BLK: variants seen among roughly 807,000 people sequenced by gnomAD.
The protein encoded by BLK is tyrosine-protein kinase Blk.
A neutral mutation model predicts 61.8 loss-of-function variants in BLK; 64 were observed. The observed-to-expected ratio is 1.03, with a 90% CI of 0.85 to 1.27. The LOEUF (loss-of-function observed/expected upper bound fraction) is 1.27, where lower values mean the gene tolerates loss of function less well. Ranked by LOEUF, BLK falls within the 50% of genes most tolerant of loss-of-function variation. BLK has a pLI of 0.00. For missense variants in BLK, 853 were observed against 660.5 expected, an observed-to-expected ratio of 1.29 and a Z score of -3.19; for synonymous variants, 351 against 272.0, an observed-to-expected ratio of 1.29 and a Z score of -2.86.
intron 10 of BLK, chr8:11,558,940 C>G: frequency 2.2e-6 from 1 of 456,208 alleles, no homozygotes. Flanking sequence ...GAACTGATGC[C>G]ACAACGCCTT....
At chr8:11,559,433 TCA>T (rs973028909) in intron 10 of BLK, among the ~76,000 whole-genome samples, 3 of 145,906 alleles carry the variant, frequency 2.1e-5, no homozygotes, top group East Asian at 2.0e-4. Context: ...ACACACAAAC[TCA>T]CACAGACACA....
In BLK at chr8:11,563,935, G is replaced by C; in HGVS notation, c.1345G>C (p.Glu449Gln). 6.2e-7 allele frequency: 1 copy of C among 1,608,360 alleles called. No homozygotes were observed. Among genetic ancestry groups the C allele is most frequent in the South Asian group, 1.1e-5 (1 of 91,030 alleles). The change falls in exon 13 of 13, where the codon GAG (glutamate) becomes CAG (glutamine). Residue 449 changes from glutamate (E) to glutamine (Q), a missense_variant. Coordinates refer to ENST00000259089, the MANE Select transcript of BLK (RefSeq NM_001715.3). Reference sequence around the variant, plus strand: ...CAACCCCGAGGTCATCCGCAACCTGGAGCGCGGCTACCGCATGCCGCGCCC... The same window carrying C: ...CAACCCCGAGGTCATCCGCAACCTGCAGCGCGGCTACCGCATGCCGCGCCC... ...MSNPEVIRNLERGYRMPRPDT... is the reference protein window; with the variant it reads ...MSNPEVIRNLQRGYRMPRPDT...
chr8:11,555,816 A>G, intron 8 of BLK: 1 of 394,334 alleles, frequency 2.5e-6, no homozygotes, highest in Non-Finnish European at 4.9e-6. Flanking sequence ...TTCATCACCC[A>G]GATGGAAACA....
At chr8:11,522,198 A>C (rs557790814) in intron 1 of BLK, among the ~76,000 whole-genome samples, 3 of 152,324 alleles carry the variant, frequency 2.0e-5, no homozygotes, top group Non-Finnish European at 4.4e-5. Context: ...ATAAAAAAAA[A>C]CTACATTTTT....
intron 2 of BLK, among the ~76,000 whole-genome samples, chr8:11,544,805 T>C (rs1256920938): frequency 6.6e-6 from 1 of 152,192 alleles, no homozygotes; most frequent in Non-Finnish European, 1.5e-5. Context: ...CAAAATTGTG[T>C]TCAATAAATA....
At chr8:11,545,626 T>A (rs1800598567) in intron 2 of BLK, 1 of 256,762 alleles carries the variant, frequency 3.9e-6, no homozygotes, top group Admixed American at 4.6e-5. Flanking sequence ...CTTGTACACA[T>A]ACACAGAAGT....
intron 1 of BLK, among the ~76,000 whole-genome samples, chr8:11,500,329 G>A (rs962466004): frequency 3.9e-5 from 6 of 151,926 alleles, no homozygotes; most frequent in Non-Finnish European, 7.4e-5. Flanking sequence ...GAGTAGCTAG[G>A]ACTACAGGTG....
At chr8:11,544,319 C>A (rs1800521054) in intron 2 of BLK, among the ~76,000 whole-genome samples, 1 of 152,110 alleles carries the variant, frequency 6.6e-6, no homozygotes, top group South Asian at 2.1e-4. Flanking sequence ...TGACCAGTGA[C>A]CCCCTTTTGG....
intron 10 of BLK, among the ~76,000 whole-genome samples, chr8:11,559,360 C>T (rs1427836428): frequency 6.6e-6 from 1 of 151,168 alleles, no homozygotes; most frequent in Non-Finnish European, 1.5e-5. Context: ...AACACATACA[C>T]AGACTCACAC....
intron 1 of BLK, among the ~76,000 whole-genome samples, chr8:11,499,992 A>G (rs1332291170): frequency 6.6e-6 from 1 of 152,150 alleles, no homozygotes; most frequent in Non-Finnish European, 1.5e-5. Flanking sequence ...ATAAACAAAT[A>G]CAAGCAGGAC....
chr8:11,502,448 C>T (rs533588712), intron 1 of BLK, among the ~76,000 whole-genome samples: 1 of 152,186 alleles, frequency 6.6e-6, no homozygotes, highest in South Asian at 2.1e-4. Flanking sequence ...GGATTACAGG[C>T]ACCCGCCACC....
Position 11,548,124 on chromosome 8 carries a change from G to A in BLK, c.268G>A (p.Gly90Arg). The change falls in exon 4 of 13, where the codon GGA becomes AGA. Residue 90 changes from glycine to arginine, a missense_variant and splice_region_variant. Transcript: ENST00000259089. Reference protein sequence around the residue: ...LKGEKLQVLKGTGDWWLARSL... With the variant: ...LKGEKLQVLKRTGDWWLARSL... The stretch of plus-strand genomic sequence containing the variant: ...GGGGGAGAAGCTACAGGTCCTGAAG[G>A]GGTGAGGTTCCAGGACACCATCCCC... 6.2e-7 allele frequency: 1 copy of A among 1,612,406 alleles called. No homozygotes were observed. The highest frequency in any genetic ancestry group is 8.5e-7 in the Non-Finnish European group (1 of 1,179,432).
intron 1 of BLK, 77 bp downstream of exon 1, chr8:11,494,668 G>C (rs577568159): frequency 1.6e-4 from 25 of 152,382 alleles, no homozygotes; most frequent in African/African-American, 6.0e-4. Flanking sequence ...CCTGTAGTGG[G>C]GCAAGCAAGC....
rs757922021 is a variant in BLK at position 11,499,242 on chromosome 8, G to T, written c.-2+4651G>T. Among the ~76,000 whole-genome samples, 23 of 152,232 alleles carry T rather than the reference G, an allele frequency of 1.5e-4. 1 individual carries two copies. The highest frequency in any genetic ancestry group is 2.8e-4 in the Non-Finnish European group (19 of 68,042). ...TTTAGTACAGTCGCAGGCTGTGTAG[G>T]TGTGTAGCCTAGAAGCAACCGGCTA... is the stretch of plus-strand genomic sequence containing the variant. On this transcript the variant is annotated intron_variant, in intron 1 of 12. Transcript: ENST00000259089.
At chr8:11,495,098 C>T (rs1798316128) in intron 1 of BLK, among the ~76,000 whole-genome samples, 1 of 152,294 alleles carries the variant, frequency 6.6e-6, no homozygotes, top group Non-Finnish European at 1.5e-5. Context: ...AATGGGGTAA[C>T]TGAATAGATG....
chr8:11,531,775 A>T (rs1799895428), intron 1 of BLK, among the ~76,000 whole-genome samples: 1 of 152,130 alleles, frequency 6.6e-6, no homozygotes, highest in Non-Finnish European at 1.5e-5. Flanking sequence ...CACTGTGGGT[A>T]CTTTCAATTG....
At chr8:11,563,663 C>G (rs765471774) in intron 12 of BLK, among the ~76,000 whole-genome samples, 4 of 152,202 alleles carry the variant, frequency 2.6e-5, no homozygotes, top group Admixed American at 2.6e-4. Flanking sequence ...GAGGACCTGC[C>G]CCGTACTCAG....
In BLK at chr8:11,545,687, T is replaced by A. The variant is rs139469717; in HGVS notation, c.124-365T>A. The A allele has an allele frequency of 1.2e-5, 4 of 328,642 alleles. No individual in the cohort carries two copies. The East Asian group carries it at 2.6e-4, about 21-fold the overall frequency. 20.4% of individuals were successfully genotyped at this position (328,642 alleles called of 1,614,324 possible). On this transcript the variant is annotated intron_variant, in intron 2 of 12. Transcript: ENST00000259089. ...ATATGTTTGTCGAGTTTTGGGGAAA[T>A]ATGCTTTTTAAATATTTTTTCTTGT...
intron 1 of BLK, among the ~76,000 whole-genome samples, chr8:11,513,670 A>G (rs1176969058): frequency 1.3e-5 from 2 of 152,236 alleles, no homozygotes; most frequent in African/African-American, 4.8e-5. Context: ...CAAAATTCAT[A>G]CCAAGTGATC....
Sources: allele counts gnomAD v4.1 joint callset (sites outside exome capture counted in the v4.1 genomes callset), GRCh38; gene constraint gnomAD v4.1.1; transcripts MANE v1.5; gene names NCBI Gene and HGNC (gene_info 2026-07-23, HGNC 2026-07-21).